DHX40: variants seen among roughly 807,000 people sequenced by gnomAD.
The protein encoded by DHX40 is DEAH-box helicase 40, also known as probable ATP-dependent RNA helicase DHX40.
Under a neutral mutation model 89.6 loss-of-function variants are expected in DHX40, and 28 were observed. That is an observed-to-expected ratio of 0.31 (90% CI 0.23 to 0.43). DHX40 has a LOEUF of 0.43. Among genes scored for constraint, DHX40 ranks in the 20% least tolerant of loss-of-function variants. The pLI is 1.00. For synonymous variants in DHX40, 226 were observed against 283.6 expected, an observed-to-expected ratio of 0.80 and a Z score of 2.04; for missense variants, 457 against 844.0, an observed-to-expected ratio of 0.54 and a Z score of 5.68.
At chr17:59,594,027 G>A (rs1344518091) in intron 12 of DHX40, among the ~76,000 whole-genome samples, 2 of 151,972 alleles carry the variant, frequency 1.3e-5, no homozygotes, top group Non-Finnish European at 2.9e-5. Flanking sequence ...TACTTTCATG[G>A]TTGAGGGAGT....
In DHX40 at chr17:59,592,454, T is replaced by G. The variant is rs1346435671; in HGVS notation, c.1582+4401T>G. 2.3e-4 allele frequency among the ~76,000 whole-genome samples: 34 copies of G among 146,934 alleles called. 1 individual carries two copies. In the South Asian group the frequency reaches 6.9e-3, roughly 30 times the overall value. On this transcript the variant is annotated intron_variant, in intron 12 of 17. Transcript: ENST00000251241. ...AAGCCCTGTCAATATATAGAACATT[T>G]TTATCACTAGCAAGTTCCCTCAGTG...
chr17:59,594,304 T>A (rs1429433719), intron 12 of DHX40, among the ~76,000 whole-genome samples: 2 of 152,174 alleles, frequency 1.3e-5, no homozygotes, highest in African/African-American at 2.4e-5. Context: ...GAGCATAAAT[T>A]GCTCCATAGT....
Position 59,573,794 on chromosome 17 carries a change from A to C in DHX40, c.601A>C (p.Lys201Gln). Reference protein sequence around the residue: ...KLFQEKSPNRKEHLKVVVMSA... With the variant: ...KLFQEKSPNRQEHLKVVVMSA... The stretch of plus-strand genomic sequence containing the variant: ...ATTTCAGGAGAAGTCTCCTAATAGG[A>C]AGGAGCATTTAAAAGTGGTGGTAAT... The change falls in exon 5 of 18, where the codon AAG becomes CAG. Residue 201 changes from lysine (K) to glutamine (Q), a missense_variant. Physicochemically the swap from Lys to Gln is moderately conservative, Grantham distance 53. Coordinates refer to ENST00000251241, the MANE Select transcript of DHX40 (RefSeq NM_024612.5). The C allele has an allele frequency of 6.2e-7, 1 of 1,613,848 alleles. No homozygotes were observed. Among genetic ancestry groups the C allele is most frequent in the Non-Finnish European group, 8.5e-7 (1 of 1,179,874 alleles).
intron 12 of DHX40, among the ~76,000 whole-genome samples, chr17:59,594,876 G>A (rs1251583285): frequency 2.0e-5 from 3 of 151,200 alleles, no homozygotes; most frequent in Admixed American, 2.0e-4. Context: ...TGTCCTTACC[G>A]AATTCCATAG....
intron 17 of DHX40, chr17:59,605,957 A>G (rs947763040): frequency 6.9e-6 from 3 of 433,978 alleles, no homozygotes; most frequent in African/African-American, 6.0e-5. Flanking sequence ...ACAGAGTGAG[A>G]CACTATCTCT....
chr17:59,591,729 A>G (rs1230181750), intron 12 of DHX40, among the ~76,000 whole-genome samples: 1 of 151,756 alleles, frequency 6.6e-6, no homozygotes, highest in Non-Finnish European at 1.5e-5. Flanking sequence ...GTATATATAA[A>G]TGGATTTTTT....
At chr17:59,591,945 C>T (rs538812783) in intron 12 of DHX40, among the ~76,000 whole-genome samples, 39 of 151,836 alleles carry the variant, frequency 2.6e-4, no homozygotes, top group South Asian at 6.3e-4. Context: ...CATGGCTCAC[C>T]GCAGCCTTGA....
intron 2 of DHX40, among the ~76,000 whole-genome samples, chr17:59,569,059 T>G (rs9892010): frequency 0.027 from 4,102 of 152,154 alleles, 183 homozygotes; most frequent in African/African-American, 0.092. Flanking sequence ...CTGGGTGCAG[T>G]GGCTCATGCC....
chr17:59,605,513 A>T lies in DHX40; in HGVS notation c.2039A>T (p.Tyr680Phe). The change falls in exon 17 of 18, where the codon TAC (tyrosine) becomes TTC (phenylalanine). Residue 680 changes from tyrosine (Y) to phenylalanine (F), a missense_variant. Physicochemically the swap from Tyr to Phe is conservative, Grantham distance 22. Transcript: ENST00000251241. ...FHEVLVTTKVYARIVCPIRYE... is the reference protein window; with the variant it reads ...FHEVLVTTKVFARIVCPIRYE... Reference sequence around the variant, plus strand: ...GAGGTATTGGTTACCACCAAAGTCTACGCAAGAATTGTATGCCCAATCCGT... The same window carrying T: ...GAGGTATTGGTTACCACCAAAGTCTTCGCAAGAATTGTATGCCCAATCCGT... The T allele has an allele frequency of 1.2e-6, 2 of 1,614,212 alleles. No homozygotes were observed. Among genetic ancestry groups the T allele is most frequent in the Non-Finnish European group, 1.7e-6 (2 of 1,180,032 alleles).
chr17:59,585,864 A>G (rs1463913308), intron 10 of DHX40, among the ~76,000 whole-genome samples: 4 of 144,166 alleles, frequency 2.8e-5, no homozygotes, highest in African/African-American at 1.0e-4. Flanking sequence ...TAGACTTGAC[A>G]GGCTGTGAAG....
At chr17:59,572,327 T>C (rs1281070948) in intron 3 of DHX40, among the ~76,000 whole-genome samples, 1 of 152,198 alleles carries the variant, frequency 6.6e-6, no homozygotes, top group Non-Finnish European at 1.5e-5. Context: ...ATGTCGTTGC[T>C]GTTATTCCTA....
intron 12 of DHX40, among the ~76,000 whole-genome samples, 177 bp downstream of exon 12, chr17:59,588,230 A>AC (rs918501933): frequency 3.5e-5 from 5 of 142,080 alleles, no homozygotes; most frequent in East Asian, 1.9e-4. Context: ...AAAAAAAAAA[A>AC]AAAAAAAAAA....
chr17:59,606,515 G>A (rs1325056217), intron 17 of DHX40, among the ~76,000 whole-genome samples: 2 of 152,140 alleles, frequency 1.3e-5, no homozygotes, highest in African/African-American at 2.4e-5. Context: ...GGGAGACCAA[G>A]GCGGGCGGAT....
At chr17:59,568,250 ATAAAT>A (rs918012024) in intron 2 of DHX40, among the ~76,000 whole-genome samples, 50 of 152,254 alleles carry the variant, frequency 3.3e-4, no homozygotes, top group African/African-American at 1.2e-3. Flanking sequence ...TAAAAATAAA[ATAAAT>A]TTGTTGTAAT....
At chr17:59,570,112 A>G (rs934767609) in intron 2 of DHX40, among the ~76,000 whole-genome samples, 57 of 131,264 alleles carry the variant, frequency 4.3e-4, no homozygotes, top group African/African-American at 1.6e-3. Context: ...ATTATAATAT[A>G]TTATAATGTA....
intron 12 of DHX40, among the ~76,000 whole-genome samples, chr17:59,589,917 C>T (rs548848163): frequency 6.6e-6 from 1 of 150,858 alleles, no homozygotes; most frequent in African/African-American, 2.5e-5. Context: ...GATGGGGTTT[C>T]ACCATGTTGG....
chr17:59,566,929 C>T, intron 2 of DHX40, 135 bp downstream of exon 2: 1 of 708,532 alleles, frequency 1.4e-6, no homozygotes, highest in Non-Finnish European at 2.1e-6. Flanking sequence ...CCCCCTTCCC[C>T]TATGTCTCCT....
chr17:59,570,218 T>C, intron 2 of DHX40, among the ~76,000 whole-genome samples: 1 of 126,460 alleles, frequency 7.9e-6, no homozygotes, highest in Non-Finnish European at 1.6e-5. Flanking sequence ...ATATTATATA[T>C]TAAATATATA....
Position 59,575,375 on chromosome 17 carries a change from T to C in DHX40, c.877T>C (p.Phe293Leu). 6.3e-7 allele frequency: 1 copy of C among 1,599,832 alleles called. No individual in the cohort carries two copies. Among genetic ancestry groups the C allele is most frequent in the Non-Finnish European group, 8.5e-7 (1 of 1,175,030 alleles). Residue 293 changes from phenylalanine (F) to leucine (L), a missense_variant, in exon 7 of 18, where the codon TTT becomes CTT. By Grantham distance (22) the Phe-to-Leu change is conservative (BLOSUM62 0). Coordinates refer to ENST00000251241, the MANE Select transcript of DHX40 (RefSeq NM_024612.5). ...AATAGAAAAAAGTTGTGAGTTACTT[T>C]TTCAGATGGCAGAGTCTGTTGATTA... The part of the protein sequence containing the change: ...FEIEKSCELL[F>L]QMAESVDYDY...
Sources: gnomAD v4.1 joint callset for allele counts (sites outside exome capture counted in the v4.1 genomes callset) on GRCh38, gnomAD v4.1.1 for gene constraint, MANE v1.5 for transcripts, NCBI Gene and HGNC (gene_info 2026-07-23, HGNC 2026-07-21) for gene names.